PCNX1: variants seen among roughly 807,000 people sequenced by gnomAD.
PCNX1 encodes the protein pecanex 1, also known as pecanex-like protein 1.
A neutral mutation model predicts 242.2 loss-of-function variants in PCNX1; 78 were observed. The ratio of observed to expected loss-of-function variants is 0.32; its 90% CI spans 0.27 to 0.39. The LOEUF (loss-of-function observed/expected upper bound fraction) is 0.39. PCNX1 is among the 10% of genes least tolerant of loss of function. The pLI, the probability that PCNX1 is intolerant of heterozygous loss-of-function variation, is 1.00. For synonymous variants in PCNX1, 1,024 were observed against 1,032.9 expected, an observed-to-expected ratio of 0.99 and a Z score of 0.17; for missense variants, 2,581 against 2,856.5, an observed-to-expected ratio of 0.90 and a Z score of 2.20.
rs748334644 is a variant in PCNX1 at position 71,023,211 on chromosome 14, A to G, written c.3162A>G (p.Pro1054=). ...CQYSLLKSVQ[P]DSSSPRHGHN... ...TGTTTCATTTTTAGAGTGTTCAACC[A>G]GATTCTTCTTCTCCCAGACATGTAA... is the stretch of plus-strand genomic sequence containing the variant. Residue 1054 remains proline, a synonymous_variant, in exon 13 of 36, where the codon CCA becomes CCG. Transcript: ENST00000304743. 2.5e-6 allele frequency: 4 copies of G among 1,607,506 alleles called. No individual in the cohort carries two copies. In the East Asian group the frequency reaches 8.9e-5, roughly 36 times the overall value.
intron 6 of PCNX1, among the ~76,000 whole-genome samples, chr14:70,985,182 G>A (rs2058963133): frequency 6.6e-6 from 1 of 151,792 alleles, no homozygotes; most frequent in African/African-American, 2.4e-5. Context: ...TTATCTGAAG[G>A]GTCCTCTTAT....
In PCNX1 at chr14:70,977,331, A is replaced by G. The variant is rs770086838; in HGVS notation, c.994A>G (p.Asn332Asp). 1.1e-5 allele frequency: 18 copies of G among 1,614,056 alleles called. No homozygotes were observed. The highest frequency in any genetic ancestry group is 1.5e-5 in the Non-Finnish European group (18 of 1,180,040). The part of the protein sequence containing the change: ...LSGSKESLVE[N>D]SGLSGEFQLA... The stretch of plus-strand genomic sequence containing the variant: ...TGGATCCAAAGAATCCTTGGTGGAA[A>G]ATTCTGGTTTATCTGGGGAATTTCA... Residue 332 changes from asparagine to aspartate, a missense_variant, in exon 6 of 36, where the codon AAT (asparagine) becomes GAT (aspartate). Asn to Asp is a conservative substitution (Grantham distance 23). Coordinates refer to ENST00000304743, the MANE Select transcript of PCNX1 (RefSeq NM_014982.3).
At chr14:70,993,194 C>T (rs79252324) in intron 7 of PCNX1, among the ~76,000 whole-genome samples, 1 of 150,474 alleles carries the variant, frequency 6.6e-6, no homozygotes, top group Admixed American at 6.6e-5. Flanking sequence ...GATCTCGGCT[C>T]ACTGCAAGCT....
chr14:71,057,375 G>GT lies in PCNX1; in HGVS notation c.4637-133dup, dbSNP rs1200063348. 4.9e-6 allele frequency: 3 copies of GT among 616,784 alleles called. No homozygotes were observed. In the Admixed American group the frequency reaches 8.9e-5, roughly 18 times the overall value. The allele number at this position is 616,784 out of a possible 1,614,324, so 38.2% of individuals were successfully genotyped here. Reference sequence around the variant, plus strand: ...CCTGTTTTACTTTTGTATAGAAACTGTAAGGGTATGAATGTTATTTTCCTT... The same window carrying GT: ...CCTGTTTTACTTTTGTATAGAAACTGTTAAGGGTATGAATGTTATTTTCCTT... On this transcript the variant is annotated intron_variant, in intron 25 of 35. Coordinates refer to ENST00000304743, the MANE Select transcript of PCNX1 (RefSeq NM_014982.3).
Position 70,946,935 on chromosome 14 carries a change from T to C in PCNX1, c.174T>C (p.Ile58=). The C allele has an allele frequency of 1.9e-6, 3 of 1,609,590 alleles. No individual in the cohort carries two copies. Among genetic ancestry groups the C allele is most frequent in the Non-Finnish European group, 1.7e-6 (2 of 1,175,882 alleles). The change falls in exon 2 of 36, where the codon ATT becomes ATC. Residue 58 remains isoleucine (I), a synonymous_variant. Transcript: ENST00000304743. Reference sequence around the variant, plus strand: ...TAAAGGCCCTTCCTTCTACCATGATTATAGTAGCAGTTTATTGTCCTGTGA... The same window carrying C: ...TAAAGGCCCTTCCTTCTACCATGATCATAGTAGCAGTTTATTGTCCTGTGA... The part of the protein sequence containing the change: ...TLYMALPSTM[I]IVAVYCPVIA...
intron 3 of PCNX1, among the ~76,000 whole-genome samples, chr14:70,966,033 C>G (rs2058368461): frequency 6.6e-6 from 1 of 152,054 alleles, no homozygotes; most frequent in Non-Finnish European, 1.5e-5. Flanking sequence ...TAATCTATGT[C>G]ATAATTGATT....
Position 70,978,472 on chromosome 14 carries a change from G to C in PCNX1, c.2135G>C (p.Ser712Thr), listed in dbSNP as rs769457553. 6.2e-7 allele frequency: 1 copy of C among 1,614,186 alleles called. No homozygotes were observed. The highest frequency in any genetic ancestry group is 1.1e-5 in the South Asian group (1 of 91,074). Reference protein sequence around the residue: ...NDSNRLMAPESIKPLTTSKSD... With the variant: ...NDSNRLMAPETIKPLTTSKSD... ...TCAAACAGGTTAATGGCACCTGAAA[G>C]TATAAAGCCCTTAACCACTTCAAAA... Residue 712 changes from serine (S) to threonine (T), a missense_variant, in exon 6 of 36, where the codon AGT (serine) becomes ACT (threonine). By Grantham distance (58) the Ser-to-Thr change is moderately conservative. This residue lies in a region of PCNX1 where 1,204 missense variants were observed against 1,216.7 expected (regional missense o/e 0.99). Coordinates refer to ENST00000304743, the MANE Select transcript of PCNX1 (RefSeq NM_014982.3).
chr14:70,980,247 T>C (rs750068305), intron 6 of PCNX1, among the ~76,000 whole-genome samples: 2 of 152,042 alleles, frequency 1.3e-5, no homozygotes, highest in Non-Finnish European at 2.9e-5. Flanking sequence ...CTGTGAGGTG[T>C]TCTGTTTTTT....
intron 1 of PCNX1, among the ~76,000 whole-genome samples, chr14:70,917,216 C>T (rs938097991): frequency 6.6e-6 from 1 of 152,148 alleles, no homozygotes; most frequent in African/African-American, 2.4e-5. Flanking sequence ...AAACTTCTTC[C>T]AAACACCTTG....
chr14:70,991,947 C>G (rs1311839777), intron 7 of PCNX1, among the ~76,000 whole-genome samples: 1 of 152,080 alleles, frequency 6.6e-6, no homozygotes, highest in Non-Finnish European at 1.5e-5. Flanking sequence ...CAAAAGGCAA[C>G]TTGGTAAAAT....
Position 71,098,537 on chromosome 14 carries a change from TGTGTGTGTGTGTGTGTGA to T in PCNX1, c.5590-3451_5590-3434del, listed in dbSNP as rs1386780451. Among the ~76,000 whole-genome samples the T allele has an allele frequency of 1.1e-4, 15 of 136,108 alleles. 1 individual carries two copies. In the South Asian group the frequency reaches 2.6e-3, roughly 23 times the overall value. The allele number at this position is 136,108 out of a possible 152,430, so 89.3% of individuals were successfully genotyped here. A position where few individuals can be genotyped will look rare whatever the true frequency, so the allele number is the denominator to read the frequency against. On this transcript the variant is annotated intron_variant, in intron 30 of 35. Coordinates refer to ENST00000304743, the MANE Select transcript of PCNX1 (RefSeq NM_014982.3). Reference sequence around the variant, plus strand: ...GTGTGTGTGTGTGTGTGTGTGTGTGTGTGTGTGTGTGTGTGTGAGAGAGAGAGAGAGAACATTGTAGAT... The same window carrying T: ...GTGTGTGTGTGTGTGTGTGTGTGTGTGAGAGAGAGAGAGAACATTGTAGAT...
At chr14:70,975,269 T>G (rs1595107054) in intron 5 of PCNX1, among the ~76,000 whole-genome samples, 1 of 152,286 alleles carries the variant, frequency 6.6e-6, no homozygotes, top group Admixed American at 6.5e-5. Flanking sequence ...CAATGCTAGC[T>G]TTTAAATTTT....
intron 19 of PCNX1, among the ~76,000 whole-genome samples, chr14:71,042,186 A>G (rs542799182): frequency 6.6e-6 from 1 of 152,118 alleles, no homozygotes; most frequent in Non-Finnish European, 1.5e-5. Context: ...TGCTAGGTCC[A>G]TTTGTTCTGT....
At chr14:71,068,344 A>G (rs1007471921) in intron 26 of PCNX1, among the ~76,000 whole-genome samples, 1 of 150,984 alleles carries the variant, frequency 6.6e-6, no homozygotes, top group African/African-American at 2.4e-5. Flanking sequence ...AAATATATAT[A>G]TGTGTATATA....
At chr14:71,046,181 G>A (rs139651762) in intron 20 of PCNX1, among the ~76,000 whole-genome samples, 25 of 151,892 alleles carry the variant, frequency 1.6e-4, no homozygotes, top group African/African-American at 5.8e-4. Context: ...ATCTTTATTG[G>A]CCCATTTATA....
chr14:71,112,293 A>G lies in PCNX1; in HGVS notation c.*2358A>G, dbSNP rs991192556. The G allele has an allele frequency of 2.0e-5, 3 of 152,122 alleles. No homozygotes were observed. Among genetic ancestry groups the G allele is most frequent in the Non-Finnish European group, 4.4e-5 (3 of 67,944 alleles). 9.4% of individuals were successfully genotyped at this position (152,122 alleles called of 1,614,324 possible). A position where few individuals can be genotyped will look rare whatever the true frequency, so the allele number is the denominator to read the frequency against. ...TGAAAAGTCAGATTTCAAATGCAAG[A>G]CTAGACTTTATATGGAACATATATG... On this transcript the variant is annotated 3_prime_UTR_variant, in exon 36 of 36. Transcript: ENST00000304743.
intron 30 of PCNX1, among the ~76,000 whole-genome samples, chr14:71,095,230 C>T (rs1454299985): frequency 6.6e-6 from 1 of 152,126 alleles, no homozygotes; most frequent in Non-Finnish European, 1.5e-5. Flanking sequence ...AATCAAAATC[C>T]AAATGAGTTT....
At chr14:71,097,629 TAA>T (rs2062327837) in intron 30 of PCNX1, among the ~76,000 whole-genome samples, 1 of 152,224 alleles carries the variant, frequency 6.6e-6, no homozygotes. Context: ...GCCCACTTTT[TAA>T]TGGGGTTGTT....
chr14:70,947,286 C>G (rs2057495511), intron 2 of PCNX1, among the ~76,000 whole-genome samples, 163 bp downstream of exon 2: 1 of 152,144 alleles, frequency 6.6e-6, no homozygotes, highest in African/African-American at 2.4e-5. Flanking sequence ...AATATTAGAA[C>G]AGAGCTAAGC....
Sources: allele counts gnomAD v4.1 joint callset (sites outside exome capture counted in the v4.1 genomes callset), GRCh38; gene constraint gnomAD v4.1.1; regional missense constraint gnomAD v4.1.1; transcripts MANE v1.5; gene names NCBI Gene and HGNC (gene_info 2026-07-23, HGNC 2026-07-21).